The following AKAP9 variants were observed in gnomAD, a reference collection of about 807,000 sequenced individuals.
The protein encoded by AKAP9 is A-kinase anchoring protein 9, also known as A-kinase anchor protein 9.
A neutral mutation model predicts 488.5 loss-of-function variants in AKAP9; 311 were observed. The ratio of observed to expected loss-of-function variants is 0.64; its 90% CI spans 0.58 to 0.70. The LOEUF (loss-of-function observed/expected upper bound fraction) is 0.70, where lower values mean the gene tolerates loss of function less well. Ranked by LOEUF, AKAP9 falls within the 30% of genes least tolerant of loss-of-function variation. The pLI is 0.00. For missense variants in AKAP9, 4,215 were observed against 4,374.5 expected, an observed-to-expected ratio of 0.96 and a Z score of 1.03; for synonymous variants, 1,462 against 1,483.5, an observed-to-expected ratio of 0.99 and a Z score of 0.33.
intron 3 of AKAP9, among the ~76,000 whole-genome samples, chr7:91,991,799 G>A (rs2130632712): frequency 6.6e-6 from 1 of 152,210 alleles, no homozygotes; most frequent in East Asian, 1.9e-4. Flanking sequence ...AATGAATAGG[G>A]CTTAATAAAT....
intron 10 of AKAP9, among the ~76,000 whole-genome samples, 198 bp from the exon 11 acceptor site, chr7:92,015,931 A>T (rs1801451084): frequency 6.6e-6 from 1 of 152,208 alleles, no homozygotes; most frequent in Non-Finnish European, 1.5e-5. Context: ...TATCTTCCTG[A>T]TATAAGAAGA....
intron 47 of AKAP9, 57 bp downstream of exon 47, chr7:92,105,820 C>A: frequency 1.4e-6 from 2 of 1,435,926 alleles, no homozygotes; most frequent in Non-Finnish European, 2.0e-6. Flanking sequence ...CAGAGGTCCC[C>A]CACCCCCAGA....
At chr7:92,081,709 C>A (rs561989113) in intron 31 of AKAP9, among the ~76,000 whole-genome samples, 2 of 151,870 alleles carry the variant, frequency 1.3e-5, no homozygotes, top group East Asian at 3.9e-4. Flanking sequence ...TGTAAGTTTA[C>A]TTATGAGAAG....
At chr7:91,960,871 A>G (rs900239494) in intron 1 of AKAP9, among the ~76,000 whole-genome samples, 4 of 152,230 alleles carry the variant, frequency 2.6e-5, no homozygotes, top group African/African-American at 9.6e-5. Context: ...TCTTTTGGAA[A>G]GACTTATATG....
rs772994154 is a variant in AKAP9 at position 92,085,538 on chromosome 7, C to T, written c.8876C>T (p.Ser2959Phe). 2.5e-6 allele frequency: 4 copies of T among 1,613,980 alleles called. No individual in the cohort carries two copies. Among genetic ancestry groups the T allele is most frequent in the Admixed American group, 1.7e-5 (1 of 59,984 alleles). Residue 2959 changes from serine (S) to phenylalanine (F), a missense_variant, in exon 36 of 50, where the codon TCT (serine) becomes TTT (phenylalanine). By Grantham distance (155) the Ser-to-Phe change is radical. Coordinates refer to ENST00000356239, the MANE Select transcript of AKAP9 (RefSeq NM_005751.5). ...CATAATGAAGGCATGCAGGTGCTTT[C>T]TCTCACTGAGTCTCCCTATAGTGAT... ...AVHNEGMQVL[S>F]LTESPYSDGE...
intron 23 of AKAP9, among the ~76,000 whole-genome samples, 199 bp downstream of exon 23, chr7:92,061,621 A>ATATATATATATATATAT (rs1809856756): frequency 6.5e-4 from 61 of 93,844 alleles, no homozygotes; most frequent in African/African-American, 2.3e-3. Flanking sequence ...TATATATATA[A>ATATATATATATATATAT]AATTATAAAA....
At chr7:91,971,560 CTTTTTTTTTTT>C (rs71107844) in intron 1 of AKAP9, among the ~76,000 whole-genome samples, 9 of 68,544 alleles carry the variant, frequency 1.3e-4, no homozygotes, top group Non-Finnish European at 1.8e-4. Context: ...ACATCTATTT[CTTTTTTTTTTT>C]TTTTTTTTTT....
intron 8 of AKAP9, 55 bp downstream of exon 8, chr7:92,003,290 C>T: frequency 7.4e-7 from 1 of 1,349,120 alleles, no homozygotes; most frequent in Non-Finnish European, 1.1e-6. Context: ...GTACATTTCA[C>T]ACTAAGGTTT....
At chr7:91,990,499 A>G (rs1346783620) in intron 3 of AKAP9, among the ~76,000 whole-genome samples, 1 of 152,262 alleles carries the variant, frequency 6.6e-6, no homozygotes, top group East Asian at 1.9e-4. Flanking sequence ...GATAAGTTTT[A>G]CATTTATTAT....
intron 30 of AKAP9, 71 bp downstream of exon 30, chr7:92,077,946 T>TTGC (rs1356163142): frequency 8.9e-6 from 9 of 1,014,152 alleles, no homozygotes; most frequent in African/African-American, 1.7e-5. Context: ...GGTTATAATG[T>TTGC]TGCTCCCCAT....
chr7:92,035,886 T>C (rs760113862), intron 16 of AKAP9, among the ~76,000 whole-genome samples: 15 of 152,204 alleles, frequency 9.9e-5, no homozygotes, highest in Non-Finnish European at 2.1e-4. Context: ...AATTATTGCC[T>C]TATAGCATCA....
intron 3 of AKAP9, among the ~76,000 whole-genome samples, chr7:91,985,439 C>T (rs1309198689): frequency 6.6e-6 from 1 of 152,064 alleles, no homozygotes; most frequent in Non-Finnish European, 1.5e-5. Context: ...TGTTTTGAAC[C>T]AGCCTTGCAG....
chr7:92,044,771 G>T (rs752833055), intron 20 of AKAP9, among the ~76,000 whole-genome samples: 1 of 151,156 alleles, frequency 6.6e-6, no homozygotes, highest in Non-Finnish European at 1.5e-5. Context: ...TTTAAAAAAT[G>T]GTATGATTAA....
intron 22 of AKAP9, chr7:92,058,312 C>G (rs1258014105): frequency 1.7e-6 from 1 of 580,618 alleles, no homozygotes; most frequent in Admixed American, 1.9e-5. Flanking sequence ...ATGAAAATAA[C>G]TCAGTAATTG....
chr7:92,085,022 G>GT, intron 35 of AKAP9, 82 bp downstream of exon 35: 7 of 1,501,286 alleles, frequency 4.7e-6, no homozygotes, highest in Non-Finnish European at 6.5e-6. Flanking sequence ...AAGTTATATG[G>GT]TGGGATCATT....
At chr7:91,976,128 G>T (rs997153228) in intron 2 of AKAP9, among the ~76,000 whole-genome samples, 2 of 151,950 alleles carry the variant, frequency 1.3e-5, no homozygotes, top group Non-Finnish European at 2.9e-5. Flanking sequence ...TCACCATGTT[G>T]GCCAGGGTGG....
At chr7:92,098,792 A>G (rs1817068710) in intron 43 of AKAP9, among the ~76,000 whole-genome samples, 2 of 152,300 alleles carry the variant, frequency 1.3e-5, no homozygotes, top group South Asian at 2.1e-4. Context: ...TATTTATTAA[A>G]CAAATACTTA....
Position 92,001,089 on chromosome 7 carries a change from C to T in AKAP9, c.1172C>T (p.Ser391Phe). 6.2e-7 allele frequency: 1 copy of T among 1,613,710 alleles called. No homozygotes were observed. Among genetic ancestry groups the T allele is most frequent in the Non-Finnish European group, 8.5e-7 (1 of 1,179,844 alleles). Residue 391 changes from serine to phenylalanine, a missense_variant, in exon 8 of 50, where the codon TCT (serine) becomes TTT (phenylalanine). Transcript: ENST00000356239. ...TCTAAGCAAAAAGAAAGACAGTCTT[C>T]TGAAGAAATAAAACAGTTAATGGGG... Reference protein sequence around the residue: ...TNSKQKERQSSEEIKQLMGTV... With the variant: ...TNSKQKERQSFEEIKQLMGTV...
rs750223708 is a variant in AKAP9, at chr7:92,096,939, A to G, written c.9980A>G (p.Gln3327Arg). ...DRERELHAQL[Q>R]SSDGTGQSRP... ...GAGCGGGAATTGCACGCACAGCTGCAGAGCAGTGATGGTACTGGACAGTCT... is the reference window on the plus strand; with the variant it reads ...GAGCGGGAATTGCACGCACAGCTGCGGAGCAGTGATGGTACTGGACAGTCT... Residue 3327 changes from glutamine (Q) to arginine (R), a missense_variant, in exon 41 of 50, where the codon CAG (glutamine) becomes CGG (arginine). Coordinates refer to ENST00000356239, the MANE Select transcript of AKAP9 (RefSeq NM_005751.5). 21 of 1,614,244 alleles carry G rather than the reference A, an allele frequency of 1.3e-5. No individual in the cohort carries two copies. The South Asian group carries it at 2.1e-4, about 16-fold the overall frequency.
Sources: allele counts gnomAD v4.1 joint callset (sites outside exome capture counted in the v4.1 genomes callset), GRCh38; gene constraint gnomAD v4.1.1; transcripts MANE v1.5; gene names NCBI Gene and HGNC (gene_info 2026-07-23, HGNC 2026-07-21).